Variants in PTAFR observed in about 807,000 individuals in gnomAD.
PTAFR encodes platelet-activating factor receptor.
Under a neutral mutation model 14.7 loss-of-function variants are expected in PTAFR, and 8 were observed. The ratio of observed to expected loss-of-function variants is 0.54; its 90% CI spans 0.32 to 0.98. The LOEUF is 0.98. Ranked by LOEUF, PTAFR falls within the 50% of genes least tolerant of loss-of-function variation. The pLI is 0.04. For missense variants in PTAFR, 337 were observed against 451.2 expected (o/e 0.75, Z 2.29); for synonymous variants, 156 against 176.5 (o/e 0.88, Z 0.92).
Position 28,150,250 on chromosome 1 carries a change from C to T in PTAFR, c.772G>A (p.Ala258Thr). 6.2e-7 allele frequency: 1 copy of T among 1,613,094 alleles called. No homozygotes were observed. Among genetic ancestry groups the T allele is most frequent in the Non-Finnish European group, 8.5e-7 (1 of 1,179,226 alleles). ...HHVVQLPWTLAELGFQDSKFH... is the reference protein window; with the variant it reads ...HHVVQLPWTLTELGFQDSKFH... ...TTGCTGTCCTGGAAGCCCAGCTCAG[C>T]AAGGGTCCAGGGCAGCTGCACCACG... The change falls in exon 2 of 2, where the codon GCT becomes ACT. Residue 258 changes from alanine to threonine, a missense_variant. Physicochemically the swap from Ala to Thr is moderately conservative, Grantham distance 58. Transcript: ENST00000373857. This position sits in a 1 kb window ranked among gnomAD's most constrained non-coding sequence, Gnocchi z 6.3.
chr1:28,152,147 T>G (rs1646197626), intron 1 of PTAFR, among the ~76,000 whole-genome samples: 1 of 152,122 alleles, frequency 6.6e-6, no homozygotes, highest in Non-Finnish European at 1.5e-5. Context: ...TCTGCCAGCC[T>G]TGGCCTCCCA....
chr1:28,189,335 C>T (rs908562692), intron 1 of PTAFR, among the ~76,000 whole-genome samples: 2 of 151,930 alleles, frequency 1.3e-5, no homozygotes, highest in Non-Finnish European at 2.9e-5. Flanking sequence ...ATAATGCGGC[C>T]GGGCATGGTT....
intron 1 of PTAFR, among the ~76,000 whole-genome samples, chr1:28,153,322 G>A (rs1194242005): frequency 6.6e-6 from 1 of 152,150 alleles, no homozygotes; most frequent in Non-Finnish European, 1.5e-5. Context: ...CAAGCTCCTA[G>A]GAGCTGCCCT....
Position 28,150,417 on chromosome 1 carries a change from A to T in PTAFR, c.605T>A (p.Ile202Asn), listed in dbSNP as rs1000218904. 1 of 1,613,982 alleles carries T rather than the reference A, an allele frequency of 6.2e-7. No individual in the cohort carries two copies. Among genetic ancestry groups the T allele is most frequent in the Non-Finnish European group, 8.5e-7 (1 of 1,179,908 alleles). The change falls in exon 2 of 2, where the codon ATC becomes AAC. Residue 202 changes from isoleucine to asparagine, a missense_variant. By Grantham distance (149) the Ile-to-Asn change is moderately radical (BLOSUM62 -3). Coordinates refer to ENST00000373857, the MANE Select transcript of PTAFR (RefSeq NM_000952.5). This position sits in a 1 kb window ranked among gnomAD's most constrained non-coding sequence, Gnocchi z 6.3. ...GATGATGACCAGGTTGCAGAAGAGG[A>T]TGATGAGGAAGACCAGGAAGAAGCT... is the stretch of plus-strand genomic sequence containing the variant. ...VFSFFLVFLI[I>N]LFCNLVIIRT...
chr1:28,185,911 G>A (rs1646602351), intron 1 of PTAFR, among the ~76,000 whole-genome samples: 1 of 151,998 alleles, frequency 6.6e-6, no homozygotes, highest in African/African-American at 2.4e-5. Context: ...ACATTATTAA[G>A]AAGACACAAC....
chr1:28,165,461 G>C (rs1646375132), intron 1 of PTAFR, among the ~76,000 whole-genome samples: 2 of 148,844 alleles, frequency 1.3e-5, no homozygotes, highest in Admixed American at 1.3e-4. Context: ...AACCAAGGAG[G>C]CAAAAGACTT....
At chr1:28,161,602 C>T (rs1046798154) in intron 1 of PTAFR, among the ~76,000 whole-genome samples, 13 of 152,036 alleles carry the variant, frequency 8.6e-5, no homozygotes, top group African/African-American at 2.9e-4. Context: ...CTGATTTAGT[C>T]TCCCAAAGTG....
At chr1:28,191,772 A>G (rs1646655947) in intron 1 of PTAFR, among the ~76,000 whole-genome samples, 1 of 151,846 alleles carries the variant, frequency 6.6e-6, no homozygotes, top group Non-Finnish European at 1.5e-5. Flanking sequence ...TTTAATTAAA[A>G]AAAAAAGAGG....
chr1:28,188,034 G>A (rs576745999), intron 1 of PTAFR, among the ~76,000 whole-genome samples: 10 of 149,074 alleles, frequency 6.7e-5, no homozygotes, highest in Non-Finnish European at 8.9e-5. Flanking sequence ...AAAAATGGCC[G>A]GGAGCAGTGG....
intron 1 of PTAFR, among the ~76,000 whole-genome samples, chr1:28,182,545 A>G (rs1359047756): frequency 1.3e-5 from 2 of 151,792 alleles, no homozygotes; most frequent in East Asian, 3.9e-4. Context: ...GTGAGCCATG[A>G]TCATGCCACT....
intron 1 of PTAFR, among the ~76,000 whole-genome samples, chr1:28,172,673 C>T (rs1158463892): frequency 6.6e-6 from 1 of 152,182 alleles, no homozygotes; most frequent in Admixed American, 6.5e-5. Flanking sequence ...ACCAAACTGG[C>T]CATGCACTAA....
In PTAFR at chr1:28,150,222, A is replaced by T. The variant is rs762397264; in HGVS notation, c.800T>A (p.Phe267Tyr). 6.2e-7 allele frequency: 1 copy of T among 1,613,666 alleles called. No homozygotes were observed. Among genetic ancestry groups the T allele is most frequent in the Non-Finnish European group, 8.5e-7 (1 of 1,179,654 alleles). The change falls in exon 2 of 2, where the codon TTC becomes TAC. Residue 267 changes from phenylalanine (F) to tyrosine (Y), a missense_variant. Transcript: ENST00000373857. The surrounding 1 kb of genome is among the most constrained non-coding windows in gnomAD (Gnocchi z 6.3). Reference sequence around the variant, plus strand: ...ATGTGCATCATTAATGGCCTGGTGGAATTTGCTGTCCTGGAAGCCCAGCTC... The same window carrying T: ...ATGTGCATCATTAATGGCCTGGTGGTATTTGCTGTCCTGGAAGCCCAGCTC... ...LAELGFQDSK[F>Y]HQAINDAHQV...
intron 1 of PTAFR, among the ~76,000 whole-genome samples, chr1:28,162,992 A>G (rs1400686902): frequency 6.6e-6 from 1 of 151,996 alleles, no homozygotes; most frequent in Non-Finnish European, 1.5e-5. Context: ...ATCAAGTCTA[A>G]GCTCCTTTCC....
upstream of PTAFR, among the ~76,000 whole-genome samples, chr1:28,179,749 G>A (rs1646548125): frequency 6.6e-6 from 1 of 151,968 alleles, no homozygotes; most frequent in Admixed American, 6.6e-5. Context: ...TGAGGCATGA[G>A]AATTGCTTGA....
At chr1:28,185,511 A>G (rs1646598918) in intron 1 of PTAFR, among the ~76,000 whole-genome samples, 1 of 152,186 alleles carries the variant, frequency 6.6e-6, no homozygotes. Flanking sequence ...GTGAAAGAAT[A>G]CCATAGGGAA....
chr1:28,180,248 C>G (rs945532999), upstream of PTAFR, among the ~76,000 whole-genome samples: 15 of 152,204 alleles, frequency 9.9e-5, no homozygotes, highest in African/African-American at 3.6e-4. Context: ...GACATGGTGG[C>G]TCACGCCTGT....
chr1:28,173,920 C>T lies in PTAFR; in HGVS notation c.-39+2672G>A, dbSNP rs904771859. ...AAGACACACAGAGGCATATCAGCCT[C>T]TCAGCTGGCTTTGCTGGCCATCTGC... On this transcript the variant is annotated intron_variant, in intron 1 of 1. Coordinates refer to ENST00000373857, the MANE Select transcript of PTAFR (RefSeq NM_000952.5). Among the ~76,000 whole-genome samples, 5 of 152,190 alleles carry T rather than the reference C, an allele frequency of 3.3e-5. No homozygotes were observed. In the East Asian group the frequency reaches 9.6e-4, roughly 29 times the overall value.
chr1:28,167,633 ATTT>A (rs780344665), intron 1 of PTAFR, among the ~76,000 whole-genome samples: 1 of 80,234 alleles, frequency 1.2e-5, no homozygotes, highest in Admixed American at 1.4e-4. Flanking sequence ...TGAAAACGGG[ATTT>A]TTTTTTTTTT....
At chr1:28,187,619 T>C (rs1646617546) in intron 1 of PTAFR, among the ~76,000 whole-genome samples, 1 of 152,028 alleles carries the variant, frequency 6.6e-6, no homozygotes, top group African/African-American at 2.4e-5. Context: ...ATCCTCCCAC[T>C]TGAGCCTCCC....
Sources: gnomAD v4.1 joint callset for allele counts (sites outside exome capture counted in the v4.1 genomes callset) on GRCh38, gnomAD v4.1.1 for gene constraint, Gnocchi (gnomAD v3.1) non-coding constraint, MANE v1.5 for transcripts, NCBI Gene and HGNC (gene_info 2026-07-23, HGNC 2026-07-21) for gene names.